The following USP7 variants were observed in gnomAD, a reference collection of about 807,000 sequenced individuals.
USP7 encodes the protein ubiquitin C-terminal hydrolase 7.
In USP7, 9 loss-of-function variants were observed where a neutral mutation model predicts 162.9. That is an observed-to-expected ratio of 0.06 (90% CI 0.03 to 0.10). The LOEUF is 0.10. USP7 is among the 10% of genes least tolerant of loss of function. The pLI, the probability that USP7 is intolerant of heterozygous loss-of-function variation, is 1.00. For missense variants in USP7, 715 were observed against 1,373.7 expected (o/e 0.52, Z 7.58); for synonymous variants, 562 against 475.9 (o/e 1.18, Z -2.35).
rs547392969 is a variant in USP7, at chr16:8,953,502, G to A, written c.79+9705C>T. 2.2e-4 allele frequency among the ~76,000 whole-genome samples: 33 copies of A among 151,646 alleles called. No homozygotes were observed. In the East Asian group the frequency reaches 5.4e-3, roughly 25 times the overall value. On this transcript the variant is annotated intron_variant, in intron 1 of 30. Coordinates refer to ENST00000344836, the MANE Select transcript of USP7 (RefSeq NM_003470.3). ...GAAACGGGGGTTGGGGAGAAGACAC[G>A]TGCCCCATGCGGTGCCACTGGAAGC...
chr16:8,894,491 G>A, intron 30 of USP7, 59 bp downstream of exon 30: 1 of 1,572,300 alleles, frequency 6.4e-7, no homozygotes, highest in Non-Finnish European at 8.6e-7. Flanking sequence ...CCCAGCCCCA[G>A]ACCACTTGTT....
At chr16:8,938,191 A>T (rs1898856349) in intron 1 of USP7, among the ~76,000 whole-genome samples, 1 of 152,136 alleles carries the variant, frequency 6.6e-6, no homozygotes, top group African/African-American at 2.4e-5. Flanking sequence ...CTTTGACTAC[A>T]TATGCTTTTA....
Position 8,912,721 on chromosome 16 carries a change from G to A in USP7, c.1079-1894C>T, listed in dbSNP as rs867269916. Among the ~76,000 whole-genome samples, 7 of 151,474 alleles carry A rather than the reference G, an allele frequency of 4.6e-5. No homozygotes were observed. In the East Asian group the frequency reaches 7.8e-4, roughly 17 times the overall value. ...CAGACTGATTGGGCACAGGACCTCC[G>A]AGACTAGCCTGGCCTAACACAGCAA... On this transcript the variant is annotated intron_variant, in intron 10 of 30. Transcript: ENST00000344836.
chr16:8,958,832 C>T (rs1195162922), intron 1 of USP7, among the ~76,000 whole-genome samples: 1 of 152,228 alleles, frequency 6.6e-6, no homozygotes, highest in African/African-American at 2.4e-5. Context: ...AAATATTACA[C>T]TTTTAATATT....
Position 8,896,873 on chromosome 16 carries a change from C to G in USP7, c.2819+126G>C, listed in dbSNP as rs916590621. On this transcript the variant is annotated intron_variant, in intron 26 of 30. Coordinates refer to ENST00000344836, the MANE Select transcript of USP7 (RefSeq NM_003470.3). ...AACTGTCTTTGCAATGGAGGCACAC[C>G]CCACTGAGTCTGGGAATGACGCGCA... 1.3e-5 allele frequency: 10 copies of G among 755,110 alleles called. No homozygotes were observed. The African/African-American group carries it at 1.7e-4, about 13-fold the overall frequency. 46.8% of individuals were successfully genotyped at this position (755,110 alleles called of 1,614,324 possible).
At chr16:8,950,881 G>A (rs1435810294) in intron 1 of USP7, among the ~76,000 whole-genome samples, 1 of 152,128 alleles carries the variant, frequency 6.6e-6, no homozygotes, top group African/African-American at 2.4e-5. Context: ...CAAGTTCAAT[G>A]GGGCCAGAAC....
chr16:8,956,301 T>A (rs536389614), intron 1 of USP7: 1 of 152,214 alleles, frequency 6.6e-6, no homozygotes, highest in Non-Finnish European at 1.5e-5. Context: ...AAGAGAATGA[T>A]CACCACCTTG....
At chr16:8,962,286 G>T (rs1238563856) in intron 1 of USP7, among the ~76,000 whole-genome samples, 1 of 152,190 alleles carries the variant, frequency 6.6e-6, no homozygotes, top group Non-Finnish European at 1.5e-5. Context: ...ACTTTTTAAA[G>T]ACCATTTGGA....
chr16:8,894,959 G>GATT, intron 28 of USP7, 72 bp downstream of exon 28: 1 of 1,613,360 alleles, frequency 6.2e-7, no homozygotes, highest in African/African-American at 1.3e-5. Flanking sequence ...CAGGAGCGCA[G>GATT]ATTCGGCAAC....
Position 8,917,100 on chromosome 16 carries a change from T to C in USP7, c.777A>G (p.Ala259=), listed in dbSNP as rs1380792707. 5 of 1,613,614 alleles carry C rather than the reference T, an allele frequency of 3.1e-6. No homozygotes were observed. The highest frequency in any genetic ancestry group is 2.7e-5 in the African/African-American group (2 of 74,908). ...GDDSSKSVPL[A]LQRVFYELQH... is the part of the protein sequence containing the mutation. ...GTAATTCATAGAACACTCTTTGTAA[T>C]GCTAAAGGGACGCTTTTAGACGAAT... The change falls in exon 7 of 31, where the codon GCA becomes GCG. Residue 259 remains alanine (A), a synonymous_variant. Transcript: ENST00000344836.
At chr16:8,962,457 C>A in intron 1 of USP7, 1 of 447,642 alleles carries the variant, frequency 2.2e-6, no homozygotes, top group East Asian at 7.0e-5. Flanking sequence ...ACTGCCACAT[C>A]GGCAGAAAAC....
rs368745630 is a variant in USP7, at chr16:8,896,928, G to C, written c.2819+71C>G. On this transcript the variant is annotated intron_variant, in intron 26 of 30. Coordinates refer to ENST00000344836, the MANE Select transcript of USP7 (RefSeq NM_003470.3). Reference sequence around the variant, plus strand: ...TCCCAGCTGGGTGATTTCCACCAACGCAACTGCAGAGGTCAGCGTTAACTG... The same window carrying C: ...TCCCAGCTGGGTGATTTCCACCAACCCAACTGCAGAGGTCAGCGTTAACTG... 24 of 1,171,400 alleles carry C rather than the reference G, an allele frequency of 2.0e-5. No individual in the cohort carries two copies. The South Asian group carries it at 2.2e-4, about 11-fold the overall frequency. The allele number at this position is 1,171,400 out of a possible 1,614,324, so 72.6% of individuals were successfully genotyped here. A position where few individuals can be genotyped will look rare whatever the true frequency, so the allele number is the denominator to read the frequency against.
intron 26 of USP7, 100 bp from the exon 27 acceptor site, chr16:8,895,841 T>A (rs1485792709): frequency 3.4e-5 from 2 of 58,456 alleles, no homozygotes; most frequent in Non-Finnish European, 4.8e-5. Flanking sequence ...CACGATATGT[T>A]TTTTTTTTTT....
At chr16:8,919,615 G>C (rs1352465618) in intron 5 of USP7, among the ~76,000 whole-genome samples, 1 of 151,902 alleles carries the variant, frequency 6.6e-6, no homozygotes, top group Non-Finnish European at 1.5e-5. Flanking sequence ...TTTTTATTTT[G>C]TGATTTTGGT....
intron 1 of USP7, among the ~76,000 whole-genome samples, chr16:8,937,315 C>T (rs1237246441): frequency 3.9e-5 from 6 of 152,038 alleles, no homozygotes; most frequent in East Asian, 3.9e-4. Context: ...GAGGCTGAGG[C>T]GGGCGGATCA....
chr16:8,894,686 G>A (rs778935990), intron 29 of USP7, 46 bp from the exon 30 acceptor site: 7 of 1,611,290 alleles, frequency 4.3e-6, no homozygotes, highest in Non-Finnish European at 5.1e-6. Context: ...CTGTATATCA[G>A]CAAAACTCAC....
intron 1 of USP7, among the ~76,000 whole-genome samples, chr16:8,944,232 CA>C (rs36002655): frequency 0.35 from 51,503 of 146,920 alleles, 10,746 homozygotes; most frequent in African/African-American, 0.6. Flanking sequence ...AACAGAGGTG[CA>C]AAAAAAAAAA....
At chr16:8,937,498 C>T (rs569299125) in intron 1 of USP7, among the ~76,000 whole-genome samples, 81 of 152,260 alleles carry the variant, frequency 5.3e-4, no homozygotes, top group African/African-American at 1.5e-3. Context: ...ACTGAGATCA[C>T]GCCATTGCAC....
intron 1 of USP7, among the ~76,000 whole-genome samples, chr16:8,944,869 C>G (rs1472781513): frequency 6.6e-6 from 1 of 151,834 alleles, no homozygotes; most frequent in Admixed American, 6.6e-5. Flanking sequence ...ACTTGGGAGG[C>G]TGAAGTGAGG....
Sources: gnomAD v4.1 joint callset for allele counts (sites outside exome capture counted in the v4.1 genomes callset) on GRCh38, gnomAD v4.1.1 for gene constraint, MANE v1.5 for transcripts, NCBI Gene and HGNC (gene_info 2026-07-23, HGNC 2026-07-21) for gene names.